Variants in ITIH5 observed in about 807,000 individuals in gnomAD.
The protein encoded by ITIH5 is inter-alpha-trypsin inhibitor heavy chain H5.
ITIH5 carries 65 observed loss-of-function variants against 77.5 expected under a neutral mutation model. The ratio of observed to expected loss-of-function variants is 0.84; its 90% CI spans 0.69 to 1.03. The LOEUF (loss-of-function observed/expected upper bound fraction) is 1.03. Ranked by LOEUF, ITIH5 falls within the 50% of genes least tolerant of loss-of-function variation. The pLI, the probability that ITIH5 is intolerant of heterozygous loss-of-function variation, is 0.00. For missense variants in ITIH5, 1,208 were observed against 1,213.1 expected (o/e 1.00, Z 0.06); for synonymous variants, 525 against 494.3 (o/e 1.06, Z -0.82).
chr10:7,644,469 G>T (rs1263385983), intron 2 of ITIH5, among the ~76,000 whole-genome samples: 8 of 110,428 alleles, frequency 7.2e-5, no homozygotes, highest in South Asian at 2.9e-4. Context: ...ATCACATATA[G>T]ATCATATATA....
At chr10:7,637,042 G>A (rs779965551) in intron 5 of ITIH5, among the ~76,000 whole-genome samples, 186 bp downstream of exon 5, 27 of 151,678 alleles carry the variant, frequency 1.8e-4, no homozygotes, top group Non-Finnish European at 3.4e-4. Flanking sequence ...AGAGGACTTC[G>A]TCTCAAAAAA....
intron 2 of ITIH5, among the ~76,000 whole-genome samples, chr10:7,643,311 G>A (rs564212215): frequency 1.3e-5 from 2 of 152,178 alleles, no homozygotes; most frequent in Non-Finnish European, 2.9e-5. Context: ...ATGGAAGCCC[G>A]AGCAAGCTAA....
intron 2 of ITIH5, among the ~76,000 whole-genome samples, chr10:7,648,421 T>C (rs1016690291): frequency 1.3e-5 from 2 of 152,236 alleles, no homozygotes; most frequent in African/African-American, 4.8e-5. Flanking sequence ...ATTGTACACA[T>C]TGAAGATAGA....
chr10:7,622,754 T>G (rs758126883), intron 5 of ITIH5, among the ~76,000 whole-genome samples: 2 of 152,206 alleles, frequency 1.3e-5, no homozygotes, highest in Non-Finnish European at 2.9e-5. Flanking sequence ...ATGAAGTCAG[T>G]AGCTGTCTGA....
chr10:7,605,138 C>T (rs1833097037), intron 7 of ITIH5, among the ~76,000 whole-genome samples: 1 of 151,892 alleles, frequency 6.6e-6, no homozygotes, highest in African/African-American at 2.4e-5. Context: ...GTTTCTTTTC[C>T]CCAGCAAAAT....
intron 12 of ITIH5, among the ~76,000 whole-genome samples, chr10:7,566,945 C>A (rs565302438): frequency 6.7e-6 from 1 of 149,920 alleles, no homozygotes; most frequent in Non-Finnish European, 1.5e-5. Context: ...TCTATCCCTG[C>A]CCAACGCATC....
At chr10:7,613,048 C>T (rs1336477316) in intron 7 of ITIH5, among the ~76,000 whole-genome samples, 1 of 152,094 alleles carries the variant, frequency 6.6e-6, no homozygotes, top group Admixed American at 6.5e-5. Context: ...AGTTCGAGAC[C>T]AGCCTGGCCA....
At chr10:7,597,825 T>C (rs1235628882) in intron 7 of ITIH5, among the ~76,000 whole-genome samples, 1 of 152,238 alleles carries the variant, frequency 6.6e-6, no homozygotes, top group Non-Finnish European at 1.5e-5. Context: ...TATAAACTTA[T>C]GTTACATTCT....
intron 7 of ITIH5, among the ~76,000 whole-genome samples, chr10:7,587,313 G>C (rs1261002347): frequency 1.3e-5 from 2 of 152,204 alleles, no homozygotes; most frequent in African/African-American, 4.8e-5. Flanking sequence ...GGTTTCTATA[G>C]TAATCCATAG....
At chr10:7,603,095 T>A (rs1588391555) in intron 7 of ITIH5, among the ~76,000 whole-genome samples, 1 of 152,254 alleles carries the variant, frequency 6.6e-6, no homozygotes, top group East Asian at 1.9e-4. Flanking sequence ...AAATCCCACC[T>A]CTGAGTGTAG....
intron 7 of ITIH5, among the ~76,000 whole-genome samples, chr10:7,615,678 A>T (rs1833348954): frequency 6.6e-6 from 1 of 152,338 alleles, no homozygotes; most frequent in Admixed American, 6.5e-5. Context: ...TTACTCCATC[A>T]ATGATAGTGC....
At position 7,580,003 on chromosome 10, in the gene ITIH5, G is replaced by A. The variant is rs1257606206; in HGVS notation, c.1170C>T (p.His390=). ...AIRLLNKYVA[H]SGIGDRSVSL... is the part of the protein sequence containing the mutation. The stretch of plus-strand genomic sequence containing the variant: ...ACACGCTCCGGTCTCCAATGCCACT[G>A]TGGGCCACGTACTTGTTGAGGAGCC... The change falls in exon 9 of 14, where the codon CAC becomes CAT. Residue 390 remains histidine, a synonymous_variant. Coordinates refer to ENST00000397146, the MANE Select transcript of ITIH5 (RefSeq NM_030569.7). The A allele has an allele frequency of 1.2e-6, 2 of 1,613,866 alleles. No homozygotes were observed. The highest frequency in any genetic ancestry group is 1.7e-6 in the Non-Finnish European group (2 of 1,179,956).
chr10:7,573,154 A>G lies in ITIH5; in HGVS notation c.2020T>C (p.Ser674Pro), dbSNP rs1832338627. Residue 674 changes from serine to proline, a missense_variant, in exon 11 of 14, where the codon TCT becomes CCT. Physicochemically the swap from Ser to Pro is moderately conservative, Grantham distance 74. Coordinates refer to ENST00000397146, the MANE Select transcript of ITIH5 (RefSeq NM_030569.7). The part of the protein sequence containing the change: ...KKPYQPRIKI[S>P]KTSVDGDPHF... ...TCCTTTGCTTTACCTGATGTTTTAGAGATTTTAATTCTTGGCTGGTATGGC... is the reference window on the plus strand; with the variant it reads ...TCCTTTGCTTTACCTGATGTTTTAGGGATTTTAATTCTTGGCTGGTATGGC... The G allele has an allele frequency of 6.2e-7, 1 of 1,613,618 alleles. No homozygotes were observed. The highest frequency in any genetic ancestry group is 1.7e-5 in the Admixed American group (1 of 59,980).
chr10:7,586,138 A>T, intron 7 of ITIH5, 69 bp from the exon 8 acceptor site: 1 of 1,365,526 alleles, frequency 7.3e-7, no homozygotes, highest in Non-Finnish European at 9.8e-7. Flanking sequence ...TGTTCTAGAA[A>T]CCGCCCCCGC....
chr10:7,572,630 G>A, intron 11 of ITIH5: 1 of 404,170 alleles, frequency 2.5e-6, no homozygotes, highest in Non-Finnish European at 4.3e-6. Flanking sequence ...AGGCTTCCTG[G>A]GGACTGTGCT....
chr10:7,666,779 CCGGCTCCCCT>C lies in ITIH5; in HGVS notation c.90+14_90+23del. 2 of 1,591,912 alleles carry C rather than the reference CCGGCTCCCCT, an allele frequency of 1.3e-6. No individual in the cohort carries two copies. The highest frequency in any genetic ancestry group is 1.7e-6 in the Non-Finnish European group (2 of 1,168,562). On this transcript the variant is annotated intron_variant, in intron 1 of 13. Transcript: ENST00000397146. ...GGAAGGGGGCGGCCGCGCCCGGGAC[CCGGCTCCCCT>C]CGGCTCCACTTACCTGCTCCGAAGA...
chr10:7,640,152 A>G (rs1195327741), intron 4 of ITIH5, among the ~76,000 whole-genome samples: 3 of 147,660 alleles, frequency 2.0e-5, no homozygotes, highest in African/African-American at 7.4e-5. Flanking sequence ...TAACTACAAA[A>G]AAAAAAAAAA....
intron 7 of ITIH5, among the ~76,000 whole-genome samples, chr10:7,614,478 C>T (rs903073907): frequency 1.3e-5 from 2 of 151,982 alleles, no homozygotes; most frequent in East Asian, 1.9e-4. Flanking sequence ...GATTTTTTTG[C>T]GTGATTTTTT....
intron 1 of ITIH5, among the ~76,000 whole-genome samples, chr10:7,661,062 T>G (rs1417900473): frequency 6.6e-6 from 1 of 152,184 alleles, no homozygotes; most frequent in Non-Finnish European, 1.5e-5. Context: ...AGGCAAACCC[T>G]ATTGTGAACT....
Sources: gnomAD v4.1 joint callset for allele counts (sites outside exome capture counted in the v4.1 genomes callset) on GRCh38, gnomAD v4.1.1 for gene constraint, MANE v1.5 for transcripts, NCBI Gene and HGNC (gene_info 2026-07-23, HGNC 2026-07-21) for gene names.